The following SAMD4A variants were observed in gnomAD, a reference collection of about 807,000 sequenced individuals.
SAMD4A encodes sterile alpha motif domain containing 4A.
Under a neutral mutation model 81.3 loss-of-function variants are expected in SAMD4A, and 33 were observed. That is an observed-to-expected ratio of 0.41 (90% confidence interval 0.31 to 0.54). The LOEUF (loss-of-function observed/expected upper bound fraction) is 0.54. Among genes scored for constraint, SAMD4A ranks in the 20% least tolerant of loss-of-function variants. The pLI, the probability that SAMD4A is intolerant of heterozygous loss-of-function variation, is 0.37. For synonymous variants in SAMD4A, 389 were observed against 382.1 expected, an observed-to-expected ratio of 1.02 and a Z score of -0.21; for missense variants, 854 against 951.1, an observed-to-expected ratio of 0.90 and a Z score of 1.34.
At chr14:54,730,226 CT>C (rs1399709207) in intron 3 of SAMD4A, among the ~76,000 whole-genome samples, 1 of 152,208 alleles carries the variant, frequency 6.6e-6, no homozygotes, top group Non-Finnish European at 1.5e-5. Context: ...TCCCCATGTG[CT>C]TTTCCCTGCA....
At chr14:54,654,437 C>T (rs1303950165) in intron 2 of SAMD4A, among the ~76,000 whole-genome samples, 2 of 152,074 alleles carry the variant, frequency 1.3e-5, no homozygotes, top group Non-Finnish European at 2.9e-5. Context: ...TCAGGAAAAA[C>T]CTAGGATAGC....
At chr14:54,650,324 C>A (rs1224382919) in intron 2 of SAMD4A, among the ~76,000 whole-genome samples, 5 of 152,170 alleles carry the variant, frequency 3.3e-5, no homozygotes, top group Non-Finnish European at 7.3e-5. Context: ...AATTAGAATT[C>A]TTTCCATGGG....
rs148822331 is a variant in SAMD4A, at chr14:54,714,084, C to T, written c.715+11504C>T. On this transcript the variant is annotated intron_variant, in intron 3 of 12. Transcript: ENST00000554335. ...TTAAATGTATAATTTTATCTTAAAA[C>T]ATAAATATCTATATCCATTTTCAGC... Among the ~76,000 whole-genome samples the T allele has an allele frequency of 7.8e-3, 1,180 of 152,252 alleles. 21 individuals carry two copies. The highest frequency in any genetic ancestry group is 0.027 in the African/African-American group (1,107 of 41,534).
chr14:54,753,936 A>C (rs994681601), intron 6 of SAMD4A, among the ~76,000 whole-genome samples: 1 of 152,234 alleles, frequency 6.6e-6, no homozygotes, highest in Non-Finnish European at 1.5e-5. Flanking sequence ...GGAACATTCA[A>C]AAGGCCAATT....
At chr14:54,735,408 A>G (rs2037667502) in intron 3 of SAMD4A, among the ~76,000 whole-genome samples, 1 of 152,210 alleles carries the variant, frequency 6.6e-6, no homozygotes, top group Admixed American at 6.5e-5. Context: ...TTTAATTTAG[A>G]TGACATTTCC....
chr14:54,789,867 C>G lies in SAMD4A; in HGVS notation c.*923C>G, dbSNP rs2039229788. On this transcript the variant is annotated 3_prime_UTR_variant, in exon 13 of 13. Transcript: ENST00000554335. ...GGTGAGCGCACAAGGATGAGGACAT[C>G]ATGTGATCAGTTATGGGTTTGCTCG... 1 of 152,202 alleles carries G rather than the reference C, an allele frequency of 6.6e-6. No homozygotes were observed. The highest frequency in any genetic ancestry group is 1.5e-5 in the Non-Finnish European group (1 of 68,040). The allele number at this position is 152,202 out of a possible 1,614,324, so 9.4% of individuals were successfully genotyped here. A position where few individuals can be genotyped will look rare whatever the true frequency, so the allele number is the denominator to read the frequency against.
intron 2 of SAMD4A, among the ~76,000 whole-genome samples, chr14:54,621,664 A>G (rs2034620767): frequency 6.6e-6 from 1 of 152,132 alleles, no homozygotes; most frequent in Non-Finnish European, 1.5e-5. Context: ...GCCCAGCTCA[A>G]AACGCATTTT....
chr14:54,570,340 G>A (rs1166014643), intron 2 of SAMD4A, among the ~76,000 whole-genome samples: 1 of 152,142 alleles, frequency 6.6e-6, no homozygotes, highest in African/African-American at 2.4e-5. Flanking sequence ...CAGGAAGGGG[G>A]CAAAAAGTCC....
intron 2 of SAMD4A, among the ~76,000 whole-genome samples, chr14:54,625,578 C>A (rs1273588755): frequency 6.6e-6 from 1 of 152,184 alleles, no homozygotes; most frequent in Non-Finnish European, 1.5e-5. Flanking sequence ...GTGATGTTTA[C>A]AAAATGTAAT....
Position 54,737,299 on chromosome 14 carries a change from A to T in SAMD4A, c.979+12A>T. The T allele has an allele frequency of 6.2e-7, 1 of 1,613,478 alleles. No homozygotes were observed. The highest frequency in any genetic ancestry group is 8.5e-7 in the Non-Finnish European group (1 of 1,179,876). On this transcript the variant is annotated intron_variant, in intron 4 of 12. Transcript: ENST00000554335. ...TAGTGGGATGAAAGGTGAGTGACTA[A>T]ATGAGAAACCACTGGGGAAAGAGCC...
intron 2 of SAMD4A, among the ~76,000 whole-genome samples, chr14:54,685,273 T>TC (rs1183816823): frequency 8.0e-5 from 2 of 25,154 alleles, no homozygotes; most frequent in Admixed American, 7.4e-4. Context: ...CCATTCTTCC[T>TC]GCCCCCCCCC....
intron 3 of SAMD4A, among the ~76,000 whole-genome samples, chr14:54,717,024 T>C (rs1313333392): frequency 6.6e-6 from 1 of 152,204 alleles, no homozygotes; most frequent in Non-Finnish European, 1.5e-5. Context: ...CTGCATCCAA[T>C]GCATGTGTTG....
In SAMD4A at chr14:54,568,084, C is replaced by T. The variant is rs1456100232; in HGVS notation, c.168C>T (p.His56=). 4 of 1,566,620 alleles carry T rather than the reference C, an allele frequency of 2.6e-6. No homozygotes were observed. Among genetic ancestry groups the T allele is most frequent in the East Asian group, 2.4e-5 (1 of 42,088 alleles). ...CGCTGGCCGACTGCGCCGAGCTGCA[C>T]GTCCTCGAACGCGAGGCCAACAGCC... ...EHSLADCAEL[H]VLEREANSPG... is the part of the protein sequence containing the mutation. Residue 56 remains histidine, a synonymous_variant, in exon 2 of 13, where the codon CAC becomes CAT. Coordinates refer to ENST00000554335, the MANE Select transcript of SAMD4A (RefSeq NM_015589.6).
chr14:54,745,687 A>G (rs994190877), intron 4 of SAMD4A, among the ~76,000 whole-genome samples: 2 of 152,240 alleles, frequency 1.3e-5, no homozygotes, highest in Non-Finnish European at 2.9e-5. Context: ...CTTGGCAAAG[A>G]AGTCAGCCCA....
intron 6 of SAMD4A, among the ~76,000 whole-genome samples, chr14:54,756,669 C>T (rs1027664047): frequency 1.3e-5 from 2 of 152,180 alleles, no homozygotes; most frequent in African/African-American, 2.4e-5. Context: ...AATCCCAATT[C>T]TTACACAAAG....
At chr14:54,686,135 C>T (rs1321639763) in intron 2 of SAMD4A, among the ~76,000 whole-genome samples, 1 of 152,100 alleles carries the variant, frequency 6.6e-6, no homozygotes, top group Non-Finnish European at 1.5e-5. Flanking sequence ...GAAGGGATGC[C>T]TTTAGAGGAC....
intron 2 of SAMD4A, among the ~76,000 whole-genome samples, chr14:54,663,480 C>T (rs936554644): frequency 1.3e-5 from 2 of 152,220 alleles, no homozygotes; most frequent in Admixed American, 1.3e-4. Flanking sequence ...CCACATGAAG[C>T]ATGAGTTCCG....
chr14:54,719,700 C>G (rs1250014207), intron 3 of SAMD4A, among the ~76,000 whole-genome samples: 2 of 152,150 alleles, frequency 1.3e-5, no homozygotes, highest in Non-Finnish European at 2.9e-5. Flanking sequence ...AGTCCCAGTT[C>G]CACTGATTAC....
chr14:54,775,315 C>T (rs1169115990), intron 10 of SAMD4A, among the ~76,000 whole-genome samples, 180 bp downstream of exon 10: 1 of 152,262 alleles, frequency 6.6e-6, no homozygotes, highest in South Asian at 2.1e-4. Flanking sequence ...ACAGAGCAAC[C>T]CCATAGCTGT....
Sources: gnomAD v4.1 joint callset for allele counts (sites outside exome capture counted in the v4.1 genomes callset) on GRCh38, gnomAD v4.1.1 for gene constraint, MANE v1.5 for transcripts, NCBI Gene and HGNC (gene_info 2026-07-23, HGNC 2026-07-21) for gene names.